The following TEX36 variants were observed in gnomAD, a reference collection of about 807,000 sequenced individuals.
TEX36 encodes testis expressed 36.
In TEX36, 12 loss-of-function variants were observed where a neutral mutation model predicts 13.6. The ratio of observed to expected loss-of-function variants is 0.88; its 90% confidence interval spans 0.56 to 1.43. The LOEUF (loss-of-function observed/expected upper bound fraction) is 1.43. Ranked by LOEUF, TEX36 falls within the 40% of genes most tolerant of loss-of-function variation. TEX36 has a pLI of 0.00. For synonymous variants in TEX36, 93 were observed against 83.0 expected (o/e 1.12, Z -0.65); for missense variants, 224 against 228.3 (o/e 0.98, Z 0.12).
chr10:125,673,755 C>T (rs1341141964), intron 1 of TEX36, among the ~76,000 whole-genome samples: 1 of 148,730 alleles, frequency 6.7e-6, no homozygotes, highest in African/African-American at 2.5e-5. Flanking sequence ...GACCCCCAGT[C>T]TCTTCTGGCT....
chr10:125,612,439 T>C (rs373043678), intron 3 of TEX36, among the ~76,000 whole-genome samples: 2 of 152,290 alleles, frequency 1.3e-5, no homozygotes, highest in East Asian at 1.9e-4. Context: ...TCAGGGAAAC[T>C]GAGGCTTTCT....
chr10:125,678,166 A>T (rs941299776), intron 1 of TEX36, among the ~76,000 whole-genome samples: 1 of 152,130 alleles, frequency 6.6e-6, no homozygotes, highest in African/African-American at 2.4e-5. Context: ...TTTTAAATTT[A>T]CTTTTATAAG....
intron 3 of TEX36, among the ~76,000 whole-genome samples, chr10:125,606,242 G>A (rs927480919): frequency 2.0e-5 from 3 of 152,138 alleles, no homozygotes; most frequent in Non-Finnish European, 4.4e-5. Flanking sequence ...ATTCAAGAAC[G>A]ACAAGACATC....
At chr10:125,605,633 G>A (rs1009125281) in intron 3 of TEX36, among the ~76,000 whole-genome samples, 43 of 151,884 alleles carry the variant, frequency 2.8e-4, no homozygotes, top group African/African-American at 5.6e-4. Flanking sequence ...ATGGAGTCTC[G>A]CTCTGTCACC....
At chr10:125,589,781 G>A (rs1846000568) in intron 3 of TEX36, among the ~76,000 whole-genome samples, 1 of 152,066 alleles carries the variant, frequency 6.6e-6, no homozygotes, top group Non-Finnish European at 1.5e-5. Context: ...AAAAATTACA[G>A]TATAATTTTC....
intron 3 of TEX36, among the ~76,000 whole-genome samples, chr10:125,647,418 A>G (rs1846787244): frequency 6.6e-6 from 1 of 152,262 alleles, no homozygotes; most frequent in Non-Finnish European, 1.5e-5. Flanking sequence ...GAGTGGGTAT[A>G]CAGGAACTCT....
intron 3 of TEX36, among the ~76,000 whole-genome samples, chr10:125,615,346 T>A (rs1048441492): frequency 7.2e-5 from 11 of 152,306 alleles, no homozygotes; most frequent in Admixed American, 6.5e-5. Context: ...AGAGAGTGCA[T>A]CCCTGTCTTG....
intron 1 of TEX36, among the ~76,000 whole-genome samples, chr10:125,669,626 G>T (rs1341735265): frequency 1.3e-5 from 2 of 152,102 alleles, no homozygotes; most frequent in Non-Finnish European, 2.9e-5. Flanking sequence ...TGGGATACAA[G>T]TGCAGGAGAG....
intron 1 of TEX36, among the ~76,000 whole-genome samples, chr10:125,682,242 G>A (rs1340540337): frequency 6.6e-6 from 1 of 152,206 alleles, no homozygotes; most frequent in South Asian, 2.1e-4. Context: ...CTCACACTTA[G>A]GAGTGACCCA....
Position 125,640,173 on chromosome 10 carries a change from T to C in TEX36, c.265-18528A>G, listed in dbSNP as rs115211126. 1,587 of 985,354 alleles carry C rather than the reference T, an allele frequency of 1.6e-3. 16 individuals are homozygous for C. In the African/African-American group the frequency reaches 0.026, roughly 16 times the overall value. 61.0% of individuals were successfully genotyped at this position (985,354 alleles called of 1,614,324 possible). Reference sequence around the variant, plus strand: ...CAGCCAGATCAGTGCCCAAGTGGAGTAGAAATCATTGTTCTTGGACTGAAC... The same window carrying C: ...CAGCCAGATCAGTGCCCAAGTGGAGCAGAAATCATTGTTCTTGGACTGAAC... On this transcript the variant is annotated intron_variant, in intron 3 of 3. Transcript: ENST00000526819.
intron 3 of TEX36, among the ~76,000 whole-genome samples, chr10:125,608,349 T>A (rs1846241602): frequency 6.6e-6 from 1 of 152,148 alleles, no homozygotes; most frequent in African/African-American, 2.4e-5. Context: ...AAGGGATGCG[T>A]TTTACTAAAT....
At chr10:125,598,105 G>T (rs1277878530) in intron 3 of TEX36, among the ~76,000 whole-genome samples, 1 of 152,144 alleles carries the variant, frequency 6.6e-6, no homozygotes, top group Non-Finnish European at 1.5e-5. Flanking sequence ...TCCCTGCTAG[G>T]GTCTGTGGGC....
intron 3 of TEX36, chr10:125,576,938 C>G (rs1589736202): frequency 6.5e-7 from 1 of 1,530,360 alleles, no homozygotes. Flanking sequence ...TGTAGTTCAG[C>G]AATCAGAGAG....
At chr10:125,585,489 C>A (rs1845934142) in intron 3 of TEX36, among the ~76,000 whole-genome samples, 1 of 152,136 alleles carries the variant, frequency 6.6e-6, no homozygotes, top group Non-Finnish European at 1.5e-5. Context: ...AACAAAAATC[C>A]TCTCCCCCAA....
chr10:125,680,914 T>C (rs1391707262), intron 1 of TEX36, among the ~76,000 whole-genome samples: 3 of 152,308 alleles, frequency 2.0e-5, no homozygotes, highest in South Asian at 4.1e-4. Context: ...GATTCTCGCT[T>C]TCCCCCTTAC....
intron 3 of TEX36, among the ~76,000 whole-genome samples, chr10:125,605,842 T>C (rs901682062): frequency 1.3e-5 from 2 of 152,212 alleles, no homozygotes; most frequent in African/African-American, 4.8e-5. Flanking sequence ...CCTCAGGTGA[T>C]CTGCCTTCCT....
intron 1 of TEX36, among the ~76,000 whole-genome samples, chr10:125,666,626 C>T (rs9422922): frequency 0.017 from 2,629 of 152,234 alleles, 74 homozygotes; most frequent in African/African-American, 0.059. Context: ...AATTTTGTAT[C>T]TATGTTCATT....
chr10:125,592,885 G>T (rs1846038713), intron 3 of TEX36, among the ~76,000 whole-genome samples: 1 of 152,224 alleles, frequency 6.6e-6, no homozygotes, highest in Non-Finnish European at 1.5e-5. Context: ...AGATGGAAGA[G>T]ATGCCTAGGA....
chr10:125,592,880 G>A (rs1465801201), intron 3 of TEX36, among the ~76,000 whole-genome samples: 1 of 152,186 alleles, frequency 6.6e-6, no homozygotes, highest in African/African-American at 2.4e-5. Flanking sequence ...CAGCTAGATG[G>A]AAGAGATGCC....
Sources: gnomAD v4.1 joint callset for allele counts (sites outside exome capture counted in the v4.1 genomes callset) on GRCh38, gnomAD v4.1.1 for gene constraint, MANE v1.5 for transcripts, NCBI Gene and HGNC (gene_info 2026-07-23, HGNC 2026-07-21) for gene names.